Variants in TNC observed in about 807,000 individuals in gnomAD.
TNC encodes tenascin C.
Under a neutral mutation model 202.4 loss-of-function variants are expected in TNC, and 109 were observed. The observed-to-expected ratio is 0.54, with a 90% CI of 0.46 to 0.63. The LOEUF is 0.63. Among genes scored for constraint, TNC ranks in the 30% least tolerant of loss-of-function variants. TNC has a pLI of 0.00. For missense variants in TNC, 2,756 were observed against 2,833.3 expected, an observed-to-expected ratio of 0.97 and a Z score of 0.62; for synonymous variants, 1,007 against 1,089.7, an observed-to-expected ratio of 0.92 and a Z score of 1.50.
At chr9:115,098,299 C>G (rs1200862949) in intron 1 of TNC, among the ~76,000 whole-genome samples, 1 of 152,154 alleles carries the variant, frequency 6.6e-6, no homozygotes, top group Non-Finnish European at 1.5e-5. Flanking sequence ...GTCGTAATGG[C>G]TTTTTAGCTC....
intron 1 of TNC, among the ~76,000 whole-genome samples, chr9:115,115,293 A>G (rs1402371990): frequency 1.3e-5 from 2 of 152,226 alleles, no homozygotes; most frequent in Non-Finnish European, 2.9e-5. Context: ...ATATTTAGTC[A>G]GAAAGGAAGT....
At chr9:115,043,329 C>G (rs1830915069) in intron 17 of TNC, among the ~76,000 whole-genome samples, 1 of 152,136 alleles carries the variant, frequency 6.6e-6, no homozygotes, top group Non-Finnish European at 1.5e-5. Context: ...CCTCCTACAG[C>G]TTTCTTCTGT....
Position 115,048,545 on chromosome 9 carries a change from A to T in TNC, c.4580-13T>A. The T allele has an allele frequency of 6.2e-7, 1 of 1,604,918 alleles. No homozygotes were observed. The highest frequency in any genetic ancestry group is 1.1e-5 in the South Asian group (1 of 90,618). ...AGGGGCAGGGCCTCTGAAAGAAGGG[A>T]GGAGTGAAAATAACTCAGGTTAGCA... On this transcript the variant is annotated splice_polypyrimidine_tract_variant and intron_variant, in intron 15 of 27. Transcript: ENST00000350763.
At chr9:115,029,540 G>T in intron 24 of TNC, 84 bp from the exon 25 acceptor site, 1 of 1,333,896 alleles carries the variant, frequency 7.5e-7, no homozygotes, top group Non-Finnish European at 1.1e-6. Flanking sequence ...GTGTGGCACT[G>T]TGGAGAGAGC....
intron 7 of TNC, among the ~76,000 whole-genome samples, chr9:115,077,584 A>G (rs1833973253): frequency 6.6e-6 from 1 of 152,240 alleles, no homozygotes; most frequent in Non-Finnish European, 1.5e-5. Flanking sequence ...TTTTAAAATA[A>G]TGCCGTAGGC....
intron 9 of TNC, among the ~76,000 whole-genome samples, chr9:115,075,204 G>GA (rs967079890): frequency 4.0e-5 from 6 of 150,674 alleles, no homozygotes; most frequent in African/African-American, 1.5e-4. Context: ...CAGAAAAATG[G>GA]AAAAAAAAAT....
At chr9:115,093,620 C>CTTTT (rs71375270) in intron 1 of TNC, among the ~76,000 whole-genome samples, 3 of 133,258 alleles carry the variant, frequency 2.3e-5, no homozygotes, top group Admixed American at 1.5e-4. Context: ...CAATTCTTAG[C>CTTTT]TTTTTTTTTT....
intron 1 of TNC, among the ~76,000 whole-genome samples, chr9:115,109,532 C>G (rs1337205013): frequency 6.6e-6 from 1 of 152,182 alleles, no homozygotes; most frequent in Non-Finnish European, 1.5e-5. Context: ...CTCTTTGTCT[C>G]CATCCCACCC....
chr9:115,040,361 C>T (rs1830637882), intron 19 of TNC, among the ~76,000 whole-genome samples: 3 of 152,138 alleles, frequency 2.0e-5, no homozygotes, highest in Admixed American at 2.0e-4. Flanking sequence ...GCAAGAGCCA[C>T]CAAATAGAGA....
At chr9:115,059,682 G>A (rs758639492) in intron 14 of TNC, 48 bp downstream of exon 14, 48 of 1,521,414 alleles carry the variant, frequency 3.2e-5, no homozygotes, top group Non-Finnish European at 4.1e-5. Flanking sequence ...CTCTTGAAAA[G>A]GAAGCAAAGA....
intron 10 of TNC, among the ~76,000 whole-genome samples, chr9:115,071,238 T>C (rs1382376725): frequency 6.6e-6 from 1 of 152,188 alleles, no homozygotes; most frequent in South Asian, 2.1e-4. Flanking sequence ...AAATGAAACA[T>C]ATATATTTTT....
intron 25 of TNC, among the ~76,000 whole-genome samples, chr9:115,027,937 C>T (rs1050242939): frequency 4.6e-5 from 7 of 152,066 alleles, no homozygotes; most frequent in Non-Finnish European, 5.9e-5. Flanking sequence ...AAGTAGGACT[C>T]GGAGACAAAA....
At position 115,100,920 on chromosome 9, in the gene TNC, A is replaced by T. The variant is rs146562064; in HGVS notation, c.-136-9766T>A. ...GGGGGAAAAAAACCTTTAAAAATGC[A>T]TATGAAAGTCTTTCAGTAATTCTTA... On this transcript the variant is annotated intron_variant, in intron 1 of 27. Transcript: ENST00000350763. Among the ~76,000 whole-genome samples the T allele has an allele frequency of 5.9e-5, 9 of 152,318 alleles. No individual in the cohort carries two copies. The East Asian group carries it at 1.5e-3, about 26-fold the overall frequency.
rs200041350 is a variant in TNC, at chr9:115,062,662, TAC to T, written c.4033+253_4033+254del. On this transcript the variant is annotated intron_variant, in intron 13 of 27. Coordinates refer to ENST00000350763, the MANE Select transcript of TNC (RefSeq NM_002160.4). ...ATATACACACACACATATATATATATACACACACACACTATATATATAAGTAT... is the reference window on the plus strand; with the variant it reads ...ATATACACACACACATATATATATATACACACACACTATATATATAAGTAT... 7.1e-3 allele frequency among the ~76,000 whole-genome samples: 1,063 copies of T among 150,742 alleles called. 6 individuals carry two copies. The highest frequency in any genetic ancestry group is 0.025 in the African/African-American group (1,014 of 40,980).
chr9:115,077,224 T>A (rs1169654106), intron 7 of TNC, among the ~76,000 whole-genome samples: 1 of 151,356 alleles, frequency 6.6e-6, no homozygotes, highest in Non-Finnish European at 1.5e-5. Context: ...CTGGCTAATT[T>A]TTTTTGTATT....
At chr9:115,104,138 G>A (rs1836436948) in intron 1 of TNC, among the ~76,000 whole-genome samples, 1 of 152,168 alleles carries the variant, frequency 6.6e-6, no homozygotes, top group Non-Finnish European at 1.5e-5. Context: ...TAAAATTCTG[G>A]AAAATTATTT....
At chr9:115,049,155 T>C (rs1484649231) in intron 15 of TNC, among the ~76,000 whole-genome samples, 1 of 152,156 alleles carries the variant, frequency 6.6e-6, no homozygotes, top group Non-Finnish European at 1.5e-5. Context: ...GCTGTTTATT[T>C]TCCTGGATAA....
chr9:115,076,409 T>G lies in TNC; in HGVS notation c.2841A>C (p.Thr947=), dbSNP rs1328010158. The change falls in exon 8 of 28, where the codon ACA becomes ACC. Residue 947 remains threonine (T), a synonymous_variant. Coordinates refer to ENST00000350763, the MANE Select transcript of TNC (RefSeq NM_002160.4). ...GCTCACCTGTGAGTGTGGTTTTGGT[T>G]GTGGCTTGTTGGCTCTTTGGAACAT... ...EVDVPKSQQA[T]TKTTLTGLRP... 1 of 1,613,766 alleles carries G rather than the reference T, an allele frequency of 6.2e-7. No individual in the cohort carries two copies. The highest frequency in any genetic ancestry group is 8.5e-7 in the Non-Finnish European group (1 of 1,179,896).
intron 26 of TNC, 111 bp from the exon 27 acceptor site, chr9:115,024,247 G>T: frequency 2.7e-6 from 3 of 1,109,282 alleles, no homozygotes; most frequent in Non-Finnish European, 3.9e-6. Flanking sequence ...TGTGGGACTG[G>T]CCTTGAACAT....
Sources: gnomAD v4.1 joint callset for allele counts (sites outside exome capture counted in the v4.1 genomes callset) on GRCh38, gnomAD v4.1.1 for gene constraint, MANE v1.5 for transcripts, NCBI Gene and HGNC (gene_info 2026-07-23, HGNC 2026-07-21) for gene names.